Variants in LMNTD1 observed in about 807,000 individuals in gnomAD.
LMNTD1 encodes the protein lamin tail domain containing 1.
Under a neutral mutation model 50.9 loss-of-function variants are expected in LMNTD1, and 35 were observed. The ratio of observed to expected loss-of-function variants is 0.69; its 90% CI spans 0.53 to 0.91. LMNTD1 has a LOEUF of 0.91. Ranked by LOEUF, LMNTD1 falls within the 40% of genes least tolerant of loss-of-function variation. The probability of loss-of-function intolerance (pLI) is 0.00; values close to 1 mark genes in which losing one functional copy is unlikely to be tolerated. For missense variants in LMNTD1, 470 were observed against 475.5 expected (o/e 0.99, Z 0.11); for synonymous variants, 153 against 161.9 (o/e 0.94, Z 0.42).
chr12:25,566,390 T>G (rs996962902), intron 1 of LMNTD1, among the ~76,000 whole-genome samples: 1 of 152,240 alleles, frequency 6.6e-6, no homozygotes, highest in Non-Finnish European at 1.5e-5. Flanking sequence ...GCTCCACGTT[T>G]TCGCAAGTGC....
chr12:25,497,238 G>T (rs892418923), intron 9 of LMNTD1, among the ~76,000 whole-genome samples: 1 of 152,222 alleles, frequency 6.6e-6, no homozygotes, highest in Middle Eastern at 3.4e-3. Flanking sequence ...CTGAGGTGGA[G>T]CCTTGGGTTC....
intron 1 of LMNTD1, among the ~76,000 whole-genome samples, chr12:25,633,125 T>C (rs1239331271): frequency 3.3e-5 from 5 of 151,236 alleles, no homozygotes; most frequent in African/African-American, 9.7e-5. Flanking sequence ...CAGGAAAATA[T>C]CACGATCCTA....
intron 1 of LMNTD1, among the ~76,000 whole-genome samples, chr12:25,572,534 CA>C (rs1202937788): frequency 6.6e-6 from 1 of 151,980 alleles, no homozygotes; most frequent in Non-Finnish European, 1.5e-5. Context: ...TAATACCAAT[CA>C]ACAAAAAATC....
At chr12:25,613,700 T>C (rs970088350) in intron 1 of LMNTD1, among the ~76,000 whole-genome samples, 1 of 152,286 alleles carries the variant, frequency 6.6e-6, no homozygotes, top group Non-Finnish European at 1.5e-5. Context: ...TAAATTAAAT[T>C]AGCTTATTAG....
intron 8 of LMNTD1, among the ~76,000 whole-genome samples, chr12:25,509,407 C>T (rs773111387): frequency 5.9e-5 from 9 of 152,140 alleles, no homozygotes; most frequent in East Asian, 1.9e-4. Context: ...TGTGCCAGGC[C>T]GACATTCTTC....
intron 3 of LMNTD1, among the ~76,000 whole-genome samples, chr12:25,547,529 AATCT>A (rs1205797077): frequency 2.0e-5 from 3 of 151,812 alleles, no homozygotes; most frequent in Non-Finnish European, 3.0e-5. Flanking sequence ...GGATTAAGAC[AATCT>A]AGAGTTTAAA....
chr12:25,587,523 G>A (rs1945569752), intron 1 of LMNTD1, among the ~76,000 whole-genome samples: 1 of 139,010 alleles, frequency 7.2e-6, no homozygotes, highest in East Asian at 2.2e-4. Flanking sequence ...ACTCACTCTT[G>A]TGAGGACTCA....
intron 6 of LMNTD1, among the ~76,000 whole-genome samples, chr12:25,521,244 T>C (rs1022668718): frequency 4.6e-5 from 7 of 152,184 alleles, no homozygotes; most frequent in African/African-American, 1.7e-4. Context: ...TTTTATTTAT[T>C]TTTGTTTTTG....
In LMNTD1 at chr12:25,526,968, A is replaced by C. The variant is rs2136087271; in HGVS notation, c.492-13T>G. 6.3e-7 allele frequency: 1 copy of C among 1,579,350 alleles called. No homozygotes were observed. Among genetic ancestry groups the C allele is most frequent in the Admixed American group, 1.8e-5 (1 of 56,216 alleles). ...ATCTCCAAGAGAACTAGAAAATAAAACACAAAGATTGTAAGCTGCCTTCAG... is the reference window on the plus strand; with the variant it reads ...ATCTCCAAGAGAACTAGAAAATAAACCACAAAGATTGTAAGCTGCCTTCAG... On this transcript the variant is annotated splice_polypyrimidine_tract_variant and intron_variant, in intron 4 of 9. Coordinates refer to ENST00000458174, the MANE Select transcript of LMNTD1 (RefSeq NM_001145728.2).
intron 1 of LMNTD1, among the ~76,000 whole-genome samples, chr12:25,572,904 A>G (rs1400449825): frequency 6.9e-6 from 1 of 144,984 alleles, no homozygotes; most frequent in Non-Finnish European, 1.5e-5. Flanking sequence ...CCATTGTGCT[A>G]TGCTTTCTTC....
chr12:25,527,640 C>CTATATATATATATATATATATATA (rs61347000), intron 4 of LMNTD1, among the ~76,000 whole-genome samples: 2 of 61,726 alleles, frequency 3.2e-5, no homozygotes, highest in East Asian at 5.5e-4. Flanking sequence ...CTTAATAACA[C>CTATATATATATATATATATATATA]TATATATATA....
At chr12:25,486,810 T>A (rs918394543) in intron 9 of LMNTD1, among the ~76,000 whole-genome samples, 2 of 151,016 alleles carry the variant, frequency 1.3e-5, no homozygotes, top group South Asian at 4.3e-4. Flanking sequence ...ATTACATTTA[T>A]TGATTTGCAT....
chr12:25,542,751 G>GAAA (rs56007659), intron 4 of LMNTD1, among the ~76,000 whole-genome samples: 24 of 144,464 alleles, frequency 1.7e-4, no homozygotes, highest in South Asian at 8.7e-4. Flanking sequence ...AAAAAAAGAA[G>GAAA]AAAAAAAAAG....
chr12:25,606,210 T>C (rs1341381839), intron 1 of LMNTD1, among the ~76,000 whole-genome samples: 2 of 152,224 alleles, frequency 1.3e-5, no homozygotes, highest in Admixed American at 1.3e-4. Flanking sequence ...CTGAAGTTGC[T>C]TATCAGCTTA....
chr12:25,482,761 G>A lies in LMNTD1; in HGVS notation c.*23-6301C>T, dbSNP rs548416927. ...CTCCTGGTGCTGAGTTGGTGAGTGT[G>A]TTTATGTCCTGCCTCTCACTTGAAG... On this transcript the variant is annotated intron_variant, in intron 9 of 9. Coordinates refer to ENST00000458174, the MANE Select transcript of LMNTD1 (RefSeq NM_001145728.2). Among the ~76,000 whole-genome samples the A allele has an allele frequency of 5.9e-5, 9 of 152,074 alleles. No homozygotes were observed. The East Asian group carries it at 1.7e-3, about 29-fold the overall frequency.
chr12:25,616,532 G>A (rs893389819), intron 1 of LMNTD1, among the ~76,000 whole-genome samples: 2 of 152,176 alleles, frequency 1.3e-5, no homozygotes, highest in South Asian at 2.1e-4. Flanking sequence ...AGGTTAAGGA[G>A]GGGGCAGAGT....
At chr12:25,636,098 C>A (rs575939291) in intron 1 of LMNTD1, among the ~76,000 whole-genome samples, 17 of 152,142 alleles carry the variant, frequency 1.1e-4, no homozygotes, top group African/African-American at 4.1e-4. Flanking sequence ...ACCAAGAACC[C>A]AAAAGCAAAC....
intron 1 of LMNTD1, among the ~76,000 whole-genome samples, chr12:25,577,204 A>G (rs1286433833): frequency 6.6e-6 from 1 of 152,226 alleles, no homozygotes; most frequent in Admixed American, 6.5e-5. Flanking sequence ...TGAACTTTAA[A>G]GTAGTTTTTT....
intron 1 of LMNTD1, among the ~76,000 whole-genome samples, chr12:25,607,159 A>C (rs12423688): frequency 0.33 from 49,757 of 151,844 alleles, 9,364 homozygotes; most frequent in East Asian, 0.86. Context: ...GTTTGTATTT[A>C]TGTGGGATTG....
Sources: allele counts gnomAD v4.1 joint callset (sites outside exome capture counted in the v4.1 genomes callset), GRCh38; gene constraint gnomAD v4.1.1; transcripts MANE v1.5; gene names NCBI Gene and HGNC (gene_info 2026-07-23, HGNC 2026-07-21).